Variants in CHN2 observed in about 807,000 individuals in gnomAD.
The protein encoded by CHN2 is beta-chimaerin.
CHN2 carries 35 observed loss-of-function variants against 56.3 expected under a neutral mutation model. The ratio of observed to expected loss-of-function variants is 0.62; its 90% CI spans 0.47 to 0.82. CHN2 has a LOEUF of 0.82. Ranked by LOEUF, CHN2 falls within the 40% of genes least tolerant of loss-of-function variation. The pLI, the probability that CHN2 is intolerant of heterozygous loss-of-function variation, is 0.00. For missense variants in CHN2, 491 were observed against 580.5 expected (o/e 0.85, Z 1.58); for synonymous variants, 210 against 212.8 (o/e 0.99, Z 0.12).
chr7:29,290,226 A>G (rs1033587431), intron 1 of CHN2, among the ~76,000 whole-genome samples: 1 of 152,176 alleles, frequency 6.6e-6, no homozygotes, highest in Admixed American at 6.5e-5. Flanking sequence ...TGGCCTCTGC[A>G]TACCTTTATT....
chr7:29,312,129 C>T (rs995538446), intron 1 of CHN2, among the ~76,000 whole-genome samples: 5 of 152,080 alleles, frequency 3.3e-5, no homozygotes, highest in Admixed American at 1.3e-4. Context: ...TGTCAGTGGT[C>T]GAATCATGAC....
At position 29,480,341 on chromosome 7, in the gene CHN2, G is replaced by T. The variant is rs1440251267; in HGVS notation, c.639G>T (p.Lys213Asn). ...ACGACAACCACTTCAATTATGAGAAGACACACAACTTTAAGGTAAGCAAGC... is the reference window on the plus strand; with the variant it reads ...ACGACAACCACTTCAATTATGAGAATACACACAACTTTAAGGTAAGCAAGC... The part of the protein sequence containing the change: ...THNDNHFNYE[K>N]THNFKVHTFR... The change falls in exon 7 of 13, where the codon AAG becomes AAT. Residue 213 changes from lysine (K) to asparagine (N), a missense_variant. Lys to Asn is a moderately conservative substitution (Grantham distance 94, BLOSUM62 0). Transcript: ENST00000222792. The T allele has an allele frequency of 1.2e-6, 2 of 1,614,170 alleles. No homozygotes were observed. Among genetic ancestry groups the T allele is most frequent in the East Asian group, 4.5e-5 (2 of 44,886 alleles).
intron 3 of CHN2, among the ~76,000 whole-genome samples, chr7:29,380,217 G>C (rs1028557478): frequency 6.6e-6 from 1 of 151,856 alleles, no homozygotes; most frequent in African/African-American, 2.4e-5. Flanking sequence ...AGGTCATGAC[G>C]TTATCAGTGA....
At position 29,367,933 on chromosome 7, in the gene CHN2, A is replaced by G. The variant is rs1404496647; in HGVS notation, c.90A>G (p.Leu30=). 5 of 1,610,256 alleles carry G rather than the reference A, an allele frequency of 3.1e-6. No homozygotes were observed. The highest frequency in any genetic ancestry group is 2.2e-5 in the East Asian group (1 of 44,706). ...CTCTCTCTCTCTCTTTTTTGGCAGT[A>G]TATCAGTTACAGCAAGAGGCACCTC... ...EYQPPIWKSY[L]YQLQQEAPRP... The change falls in exon 3 of 13, where the codon TTA becomes TTG. Residue 30 remains leucine (L), a splice_region_variant and synonymous_variant. Transcript: ENST00000222792.
chr7:29,437,450 T>G, intron 6 of CHN2, among the ~76,000 whole-genome samples: 1 of 131,132 alleles, frequency 7.6e-6, no homozygotes, highest in African/African-American at 3.3e-5. Flanking sequence ...TACAAAAAAT[T>G]AGCCGGGCGT....
At chr7:29,371,636 G>C (rs1399447155) in intron 3 of CHN2, among the ~76,000 whole-genome samples, 1 of 151,960 alleles carries the variant, frequency 6.6e-6, no homozygotes. Context: ...CCTCTACCCG[G>C]GGCTCCAGAC....
At chr7:29,386,174 T>G (rs1800899253) in intron 3 of CHN2, among the ~76,000 whole-genome samples, 1 of 152,212 alleles carries the variant, frequency 6.6e-6, no homozygotes, top group Non-Finnish European at 1.5e-5. Context: ...CAATTTTCAT[T>G]CTATGCTCTG....
At chr7:29,195,629 A>AGAGTGT (rs869037854) in intron 1 of CHN2, among the ~76,000 whole-genome samples, 1,259 of 117,488 alleles carry the variant, frequency 0.011, 38 homozygotes, top group African/African-American at 0.042. Flanking sequence ...AGAGAGAGAG[A>AGAGTGT]GTGTGTGTGT....
intron 3 of CHN2, among the ~76,000 whole-genome samples, chr7:29,375,190 C>CTTTTTTTTTTTT (rs70980534): frequency 1.3e-5 from 1 of 77,908 alleles, no homozygotes; most frequent in Admixed American, 1.5e-4. Context: ...GTGCTCGGCC[C>CTTTTTTTTTTTT]TTTTTTTTTT....
chr7:29,511,301 G>T (rs1791351559), intron 12 of CHN2, among the ~76,000 whole-genome samples: 1 of 144,436 alleles, frequency 6.9e-6, no homozygotes, highest in Non-Finnish European at 1.5e-5. Flanking sequence ...CTGAATTTAG[G>T]AGTGCAAGTA....
At chr7:29,417,600 C>T (rs1428372461) in intron 6 of CHN2, among the ~76,000 whole-genome samples, 2 of 152,044 alleles carry the variant, frequency 1.3e-5, no homozygotes, top group African/African-American at 4.8e-5. Context: ...TAGGTTGAAC[C>T]GTAATGCCAC....
chr7:29,199,723 C>T (rs1784007212), intron 1 of CHN2: 1 of 152,230 alleles, frequency 6.6e-6, no homozygotes, highest in Middle Eastern at 3.4e-3. Flanking sequence ...GATACAGAGT[C>T]TGAGAGGTAA....
chr7:29,509,011 T>C (rs1220316147), intron 11 of CHN2, among the ~76,000 whole-genome samples: 3 of 152,106 alleles, frequency 2.0e-5, no homozygotes, highest in African/African-American at 7.2e-5. Flanking sequence ...TCTGCACATA[T>C]GCTCCCTGAC....
At chr7:29,351,649 C>T (rs1331355666) in intron 1 of CHN2, among the ~76,000 whole-genome samples, 4 of 152,166 alleles carry the variant, frequency 2.6e-5, no homozygotes, top group Admixed American at 1.3e-4. Flanking sequence ...GGCATTTTAC[C>T]TGCAGAGTCC....
intron 1 of CHN2, among the ~76,000 whole-genome samples, chr7:29,261,049 G>A (rs1432774303): frequency 6.6e-6 from 1 of 152,146 alleles, no homozygotes; most frequent in African/African-American, 2.4e-5. Flanking sequence ...AACTCTGAAG[G>A]TGATAATGAT....
chr7:29,278,931 C>G (rs142004199), intron 1 of CHN2, among the ~76,000 whole-genome samples: 123 of 152,222 alleles, frequency 8.1e-4, no homozygotes, highest in African/African-American at 2.8e-3. Context: ...ATGAACATGC[C>G]TCCCCTTGCT....
chr7:29,231,659 T>G (rs554703755), intron 1 of CHN2, among the ~76,000 whole-genome samples: 1 of 152,246 alleles, frequency 6.6e-6, no homozygotes, highest in Non-Finnish European at 1.5e-5. Context: ...TTCCAACTTA[T>G]TTATTTTAGC....
intron 6 of CHN2, among the ~76,000 whole-genome samples, chr7:29,443,628 C>T (rs574842886): frequency 1.3e-5 from 2 of 152,310 alleles, no homozygotes; most frequent in South Asian, 4.1e-4. Context: ...AGATTTATTT[C>T]TCACATGCTT....
chr7:29,272,192 C>T (rs1233031188), intron 1 of CHN2, among the ~76,000 whole-genome samples: 2 of 152,128 alleles, frequency 1.3e-5, no homozygotes, highest in Non-Finnish European at 1.5e-5. Flanking sequence ...CGGAGTCCGC[C>T]ACGGTCTCTG....
Sources: gnomAD v4.1 joint callset for allele counts (sites outside exome capture counted in the v4.1 genomes callset) on GRCh38, gnomAD v4.1.1 for gene constraint, MANE v1.5 for transcripts, NCBI Gene and HGNC (gene_info 2026-07-23, HGNC 2026-07-21) for gene names.